SDK1: variants seen among roughly 807,000 people sequenced by gnomAD.
SDK1 encodes sidekick cell adhesion molecule 1.
A neutral mutation model predicts 245.5 loss-of-function variants in SDK1; 157 were observed. That is an observed-to-expected ratio of 0.64 (90% CI 0.56 to 0.73). The LOEUF is 0.73. Among genes scored for constraint, SDK1 ranks in the 30% least tolerant of loss-of-function variants. SDK1 has a pLI of 0.00. For synonymous variants in SDK1, 1,647 were observed against 1,278.5 expected, an observed-to-expected ratio of 1.29 and a Z score of -6.15; for missense variants, 3,583 against 3,002.3, an observed-to-expected ratio of 1.19 and a Z score of -4.52.
At chr7:3,801,850 C>T (rs1779114852) in intron 4 of SDK1, among the ~76,000 whole-genome samples, 2 of 152,146 alleles carry the variant, frequency 1.3e-5, no homozygotes, top group African/African-American at 4.8e-5. Context: ...TTTTGTGATT[C>T]GATTCTCAAA....
At chr7:4,218,392 C>CAA (rs571075302) in intron 38 of SDK1, among the ~76,000 whole-genome samples, 3,732 of 132,880 alleles carry the variant, frequency 0.028, 65 homozygotes, top group South Asian at 0.088. Flanking sequence ...GACTCCGTCT[C>CAA]AAAAAAAAAA....
chr7:3,647,753 G>A (rs917880771), intron 4 of SDK1, among the ~76,000 whole-genome samples: 2 of 152,026 alleles, frequency 1.3e-5, no homozygotes, highest in Non-Finnish European at 2.9e-5. Context: ...CACCTAAAAT[G>A]TTTTTGTTTT....
intron 19 of SDK1, among the ~76,000 whole-genome samples, chr7:4,056,495 G>A (rs1243158500): frequency 6.6e-6 from 1 of 152,158 alleles, no homozygotes; most frequent in East Asian, 1.9e-4. Flanking sequence ...TGGCAAGGAG[G>A]AAAGTGAAGT....
intron 1 of SDK1, among the ~76,000 whole-genome samples, chr7:3,607,209 C>T (rs1781452276): frequency 6.6e-6 from 1 of 151,504 alleles, no homozygotes; most frequent in South Asian, 2.1e-4. Flanking sequence ...TGATCATTTC[C>T]TTTTATTTTA....
intron 2 of SDK1, among the ~76,000 whole-genome samples, chr7:3,637,926 G>C (rs1343316857): frequency 6.6e-6 from 1 of 152,240 alleles, no homozygotes; most frequent in Non-Finnish European, 1.5e-5. Flanking sequence ...CATCCTGAAA[G>C]TGTTGTTTGC....
intron 1 of SDK1, among the ~76,000 whole-genome samples, chr7:3,549,970 C>G (rs140890858): frequency 6.6e-6 from 1 of 152,044 alleles, no homozygotes; most frequent in South Asian, 2.1e-4. Flanking sequence ...TCTCCTTTAA[C>G]CTACATCTTA....
intron 1 of SDK1, among the ~76,000 whole-genome samples, chr7:3,600,708 C>T (rs1781228612): frequency 1.3e-5 from 2 of 151,840 alleles, no homozygotes; most frequent in African/African-American, 4.8e-5. Flanking sequence ...ACCACCACGC[C>T]CGGTTAATTT....
chr7:3,431,966 A>G (rs74804499), intron 1 of SDK1, among the ~76,000 whole-genome samples: 6,890 of 152,056 alleles, frequency 0.045, 471 homozygotes, highest in African/African-American at 0.15. Flanking sequence ...ACTGTGATTA[A>G]CAAATGTTAA....
At chr7:4,000,959 G>A (rs530126899) in intron 14 of SDK1, among the ~76,000 whole-genome samples, 1 of 152,282 alleles carries the variant, frequency 6.6e-6, no homozygotes, top group South Asian at 2.1e-4. Flanking sequence ...GGGGGCTGAG[G>A]TCTGCTTCTG....
At chr7:3,368,385 T>C (rs912032940) in intron 1 of SDK1, among the ~76,000 whole-genome samples, 23 of 152,374 alleles carry the variant, frequency 1.5e-4, no homozygotes, top group African/African-American at 4.8e-4. Flanking sequence ...CATCATACTT[T>C]TGTGGGAAAC....
At chr7:3,425,915 G>T (rs1455905830) in intron 1 of SDK1, among the ~76,000 whole-genome samples, 3 of 152,196 alleles carry the variant, frequency 2.0e-5, no homozygotes, top group African/African-American at 7.2e-5. Context: ...AGGATGGAAA[G>T]CTAGAAATCA....
At chr7:3,471,039 A>G (rs1176207280) in intron 1 of SDK1, among the ~76,000 whole-genome samples, 1 of 152,186 alleles carries the variant, frequency 6.6e-6, no homozygotes, top group African/African-American at 2.4e-5. Flanking sequence ...ACAAGATTCC[A>G]TCAGCATCTG....
intron 32 of SDK1, among the ~76,000 whole-genome samples, chr7:4,168,689 C>T (rs1377555653): frequency 6.6e-6 from 1 of 152,228 alleles, no homozygotes; most frequent in Non-Finnish European, 1.5e-5. Context: ...TGCAGTCTTC[C>T]TTCTGAGGTA....
intron 5 of SDK1, among the ~76,000 whole-genome samples, chr7:3,868,746 C>T (rs191803024): frequency 1.0e-3 from 157 of 152,294 alleles, no homozygotes; most frequent in Admixed American, 2.5e-3. Context: ...AAGGGCACTT[C>T]CAGGGGTACA....
chr7:4,241,757 T>C lies in SDK1; in HGVS notation c.6131-36T>C, dbSNP rs374127671. On this transcript the variant is annotated intron_variant, in intron 42 of 44. Coordinates refer to ENST00000404826, the MANE Select transcript of SDK1 (RefSeq NM_152744.4). ...GGCGTGGCTGCGGTGGCCACACCAG[T>C]AACACGTCTGTTCTCACTCTCCTGC... The C allele has an allele frequency of 6.2e-6, 10 of 1,613,116 alleles. No homozygotes were observed. The African/African-American group carries it at 1.2e-4, about 19-fold the overall frequency.
intron 35 of SDK1, among the ~76,000 whole-genome samples, chr7:4,202,617 G>A (rs950114872): frequency 6.6e-5 from 10 of 152,212 alleles, no homozygotes; most frequent in African/African-American, 2.2e-4. Context: ...CCTGGCGGAC[G>A]GTGAATGTTT....
chr7:4,135,194 C>G (rs1778987803), intron 28 of SDK1, among the ~76,000 whole-genome samples: 1 of 152,208 alleles, frequency 6.6e-6, no homozygotes, highest in Non-Finnish European at 1.5e-5. Context: ...ATAATTGAGG[C>G]CACAATGAAA....
At chr7:3,435,701 C>G (rs1019932306) in intron 1 of SDK1, among the ~76,000 whole-genome samples, 2 of 152,056 alleles carry the variant, frequency 1.3e-5, no homozygotes, top group Non-Finnish European at 2.9e-5. Flanking sequence ...TAACTCATCT[C>G]TATCCTACTT....
At chr7:4,112,795 C>T (rs1477999432) in intron 23 of SDK1, among the ~76,000 whole-genome samples, 1 of 151,796 alleles carries the variant, frequency 6.6e-6, no homozygotes, top group Non-Finnish European at 1.5e-5. Context: ...CGCTCTGTCA[C>T]CTAGGCTGGA....
Sources: allele counts gnomAD v4.1 joint callset (sites outside exome capture counted in the v4.1 genomes callset), GRCh38; gene constraint gnomAD v4.1.1; transcripts MANE v1.5; gene names NCBI Gene and HGNC (gene_info 2026-07-23, HGNC 2026-07-21).